LUZP1: variants seen among roughly 807,000 people sequenced by gnomAD.
The protein encoded by LUZP1 is leucine zipper protein 1.
Under a neutral mutation model 71.3 loss-of-function variants are expected in LUZP1, and 25 were observed. The ratio of observed to expected loss-of-function variants is 0.35; its 90% CI spans 0.26 to 0.49. The LOEUF is 0.49. Among genes scored for constraint, LUZP1 ranks in the 20% least tolerant of loss-of-function variants. The pLI, the probability that LUZP1 is intolerant of heterozygous loss-of-function variation, is 0.99. For missense variants in LUZP1, 1,142 were observed against 1,300.8 expected, an observed-to-expected ratio of 0.88 and a Z score of 1.88; for synonymous variants, 481 against 506.4, an observed-to-expected ratio of 0.95 and a Z score of 0.67.
At chr1:23,160,536 A>G (rs1644455915) in intron 2 of LUZP1, among the ~76,000 whole-genome samples, 1 of 152,258 alleles carries the variant, frequency 6.6e-6, no homozygotes, top group Non-Finnish European at 1.5e-5. Flanking sequence ...TAGTCTCTAT[A>G]TCGCCGGAAG....
chr1:23,116,598 G>A (rs1267381388), intron 2 of LUZP1, among the ~76,000 whole-genome samples: 3 of 149,310 alleles, frequency 2.0e-5, no homozygotes, highest in African/African-American at 5.0e-5. Flanking sequence ...AAAAAAAAAG[G>A]CAAAGAGAAG....
chr1:23,138,252 G>A (rs1644270259), intron 2 of LUZP1, among the ~76,000 whole-genome samples: 1 of 152,148 alleles, frequency 6.6e-6, no homozygotes, highest in Non-Finnish European at 1.5e-5. Flanking sequence ...AGGATTACAG[G>A]CGTGAGCCAC....
rs530620134 is a variant in LUZP1 at position 23,111,391 on chromosome 1, CA to C, written c.-225-2265del. ...CAACAAAGCAAGGCCCCCATCTCTA[CA>C]AAAAAAAAAAAATTTTAATTAGCTG... On this transcript the variant is annotated intron_variant, in intron 2 of 4. Transcript: ENST00000302291. Among the ~76,000 whole-genome samples the C allele has an allele frequency of 3.7e-3, 516 of 141,032 alleles. 2 individuals are homozygous for C. The highest frequency in any genetic ancestry group is 0.012 in the African/African-American group (447 of 38,442). 92.5% of individuals were successfully genotyped at this position (141,032 alleles called of 152,430 possible).
At chr1:23,122,482 C>G (rs943259298) in intron 2 of LUZP1, among the ~76,000 whole-genome samples, 22 of 152,136 alleles carry the variant, frequency 1.4e-4, no homozygotes, top group African/African-American at 4.8e-4. Context: ...TTGCCCCTTC[C>G]CCCAGTTAGT....
intron 2 of LUZP1, among the ~76,000 whole-genome samples, chr1:23,125,689 A>AT (rs1375055766): frequency 3.3e-5 from 5 of 152,282 alleles, no homozygotes; most frequent in African/African-American, 1.2e-4. Flanking sequence ...CAAAGGTTTC[A>AT]TTTTCTGCTG....
chr1:23,175,167 T>C (rs887842265), intron 1 of LUZP1, among the ~76,000 whole-genome samples: 8 of 152,216 alleles, frequency 5.3e-5, no homozygotes, highest in Admixed American at 5.2e-4. Flanking sequence ...ACACATCTAG[T>C]AGGATCTAAA....
chr1:23,172,166 T>C (rs1429947993), intron 1 of LUZP1, among the ~76,000 whole-genome samples: 2 of 152,280 alleles, frequency 1.3e-5, no homozygotes, highest in South Asian at 2.1e-4. Context: ...TATTTGAACA[T>C]GTCCTCATCC....
Position 23,156,535 on chromosome 1 carries a change from A to G in LUZP1, c.-226+12231T>C, listed in dbSNP as rs61781468. ...AGACAAAATTTAACAATATTAATTTATTAACGTTATAAATAAAATCACAGT... is the reference window on the plus strand; with the variant it reads ...AGACAAAATTTAACAATATTAATTTGTTAACGTTATAAATAAAATCACAGT... On this transcript the variant is annotated intron_variant, in intron 2 of 4. Transcript: ENST00000302291. 3.7e-4 allele frequency among the ~76,000 whole-genome samples: 57 copies of G among 152,336 alleles called. 1 individual carries two copies. Among genetic ancestry groups the G allele is most frequent in the Non-Finnish European group, 7.4e-4 (50 of 68,026 alleles).
chr1:23,092,015 C>T (rs746822181), exon 4 of LUZP1: 25 of 1,614,028 alleles, frequency 1.5e-5, no homozygotes, highest in Middle Eastern at 1.6e-4. Flanking sequence ...TAGACCGCAA[C>T]GCCTCTCTGG....
At chr1:23,129,960 T>C (rs1021942041) in intron 2 of LUZP1, among the ~76,000 whole-genome samples, 1 of 152,180 alleles carries the variant, frequency 6.6e-6, no homozygotes, top group Non-Finnish European at 1.5e-5. Context: ...GACTAACACA[T>C]AAGTAAGATG....
At chr1:23,097,460 G>A (rs559810801) in intron 3 of LUZP1, among the ~76,000 whole-genome samples, 1 of 152,270 alleles carries the variant, frequency 6.6e-6, no homozygotes, top group East Asian at 1.9e-4. Flanking sequence ...CCAAGAGCAC[G>A]TGACCAAGAC....
intron 2 of LUZP1, among the ~76,000 whole-genome samples, chr1:23,153,703 C>G (rs147321357): frequency 6.6e-6 from 1 of 152,224 alleles, no homozygotes; most frequent in South Asian, 2.1e-4. Context: ...AAGACAGAGT[C>G]GCAGCCAGTC....
In LUZP1 at chr1:23,092,229, A is replaced by AT. The variant is rs779166081; in HGVS notation, c.2032dup (p.Ile678AsnfsTer12). On this transcript the variant is annotated frameshift_variant, in exon 4 of 5. Transcript: ENST00000302291. LOFTEE classifies it high-confidence loss of function. ...TGGTTTGGGCTCTGGCTCTGGAGTGATGGTTGTATTTACCAACTTGGCAGT... is the reference window on the plus strand; with the variant it reads ...TGGTTTGGGCTCTGGCTCTGGAGTGATTGGTTGTATTTACCAACTTGGCAGT... The AT allele has an allele frequency of 2.1e-5, 34 of 1,613,914 alleles. No individual in the cohort carries two copies. The highest frequency in any genetic ancestry group is 2.9e-5 in the Non-Finnish European group (34 of 1,180,006).
At chr1:23,144,063 GT>G (rs1557677916) in intron 2 of LUZP1, among the ~76,000 whole-genome samples, 1 of 152,156 alleles carries the variant, frequency 6.6e-6, no homozygotes, top group East Asian at 1.9e-4. Flanking sequence ...GCAAGGACAG[GT>G]ACAATACACA....
chr1:23,162,135 C>T (rs1644472065), intron 2 of LUZP1, among the ~76,000 whole-genome samples: 1 of 150,494 alleles, frequency 6.6e-6, no homozygotes. Context: ...GGAGCCAGAC[C>T]ACAAACAATA....
At chr1:23,119,910 C>G (rs919207948) in intron 2 of LUZP1, among the ~76,000 whole-genome samples, 2 of 151,794 alleles carry the variant, frequency 1.3e-5, no homozygotes, top group African/African-American at 4.8e-5. Flanking sequence ...CTTATTATCA[C>G]CAGCTCAAGT....
intron 2 of LUZP1, among the ~76,000 whole-genome samples, chr1:23,117,477 C>CTCTCTCTCTCTT (rs34248788): frequency 7.2e-5 from 1 of 13,860 alleles, no homozygotes. Flanking sequence ...CTCTCTCTCT[C>CTCTCTCTCTCTT]CCCCCCCCCC....
At chr1:23,155,037 C>T (rs1193957267) in intron 2 of LUZP1, among the ~76,000 whole-genome samples, 1 of 151,994 alleles carries the variant, frequency 6.6e-6, no homozygotes, top group African/African-American at 2.4e-5. Flanking sequence ...AATATTTTCG[C>T]ATATGTTGGA....
At chr1:23,145,284 C>G (rs1644333393) in intron 2 of LUZP1, among the ~76,000 whole-genome samples, 1 of 152,122 alleles carries the variant, frequency 6.6e-6, no homozygotes, top group Non-Finnish European at 1.5e-5. Context: ...ATAACAGACT[C>G]TAGACCCTAC....
Sources: gnomAD v4.1 joint callset for allele counts (sites outside exome capture counted in the v4.1 genomes callset) on GRCh38, gnomAD v4.1.1 for gene constraint, MANE v1.5 for transcripts, NCBI Gene and HGNC (gene_info 2026-07-23, HGNC 2026-07-21) for gene names.